Variants in PLEKHA2 observed in about 807,000 individuals in gnomAD.
PLEKHA2 encodes pleckstrin homology domain-containing family A member 2.
A neutral mutation model predicts 53.2 loss-of-function variants in PLEKHA2; 28 were observed. The ratio of observed to expected loss-of-function variants is 0.53; its 90% CI spans 0.39 to 0.72. The LOEUF is 0.72. PLEKHA2 is among the 30% of genes least tolerant of loss of function. PLEKHA2 has a pLI of 0.00. For synonymous variants in PLEKHA2, 193 were observed against 196.4 expected (o/e 0.98, Z 0.14); for missense variants, 426 against 537.9 (o/e 0.79, Z 2.06).
At chr8:38,965,157 T>G (rs1835112795) in intron 10 of PLEKHA2, among the ~76,000 whole-genome samples, 1 of 152,216 alleles carries the variant, frequency 6.6e-6, no homozygotes, top group Non-Finnish European at 1.5e-5. Context: ...GTATTTTGAT[T>G]CTTGTACTTG....
intron 9 of PLEKHA2, among the ~76,000 whole-genome samples, chr8:38,954,458 C>T (rs1440623247): frequency 6.6e-6 from 1 of 152,178 alleles, no homozygotes; most frequent in African/African-American, 2.4e-5. Context: ...CACCTGGGCA[C>T]ATGGGGGAAG....
chr8:38,912,921 G>C (rs1257276271), intron 1 of PLEKHA2, among the ~76,000 whole-genome samples: 1 of 152,100 alleles, frequency 6.6e-6, no homozygotes, highest in Non-Finnish European at 1.5e-5. Context: ...TTTTTTCTAG[G>C]GATAGAAGCA....
intron 9 of PLEKHA2, among the ~76,000 whole-genome samples, 165 bp from the exon 10 acceptor site, chr8:38,957,158 A>G (rs1005688598): frequency 2.0e-5 from 3 of 151,606 alleles, no homozygotes; most frequent in Non-Finnish European, 2.9e-5. Flanking sequence ...GCTAGAGGAA[A>G]CCCCTGGAGT....
At chr8:38,965,308 G>T (rs977629313) in intron 10 of PLEKHA2, among the ~76,000 whole-genome samples, 1 of 152,288 alleles carries the variant, frequency 6.6e-6, no homozygotes, top group South Asian at 2.1e-4. Context: ...ACTTCAAAGC[G>T]CAGTCAGGCA....
chr8:38,934,563 C>T (rs908935724), intron 2 of PLEKHA2, among the ~76,000 whole-genome samples: 16 of 152,104 alleles, frequency 1.1e-4, no homozygotes, highest in African/African-American at 3.9e-4. Context: ...GGTCTGCATT[C>T]GAAGCCCCAG....
chr8:38,930,311 C>T lies in PLEKHA2; in HGVS notation c.142-5683C>T, dbSNP rs558299581. ...TCGCCTCCTGGGTTCAAGCAATTCT[C>T]GTGCCTCAGCCTCCCAAGTAGCTGG... is the stretch of plus-strand genomic sequence containing the variant. On this transcript the variant is annotated intron_variant, in intron 2 of 11. Transcript: ENST00000617275. Among the ~76,000 whole-genome samples the T allele has an allele frequency of 4.6e-5, 7 of 152,288 alleles. No individual in the cohort carries two copies. The South Asian group carries it at 1.0e-3, about 23-fold the overall frequency.
intron 2 of PLEKHA2, among the ~76,000 whole-genome samples, chr8:38,930,680 A>G (rs1316308560): frequency 6.6e-6 from 1 of 152,196 alleles, no homozygotes; most frequent in East Asian, 1.9e-4. Context: ...ATGGCACGGC[A>G]TGACACGGGA....
intron 9 of PLEKHA2, among the ~76,000 whole-genome samples, chr8:38,954,770 G>T (rs1039265409): frequency 1.3e-5 from 2 of 152,146 alleles, no homozygotes; most frequent in Non-Finnish European, 2.9e-5. Flanking sequence ...GCTCACACCT[G>T]TAATCCAATC....
At chr8:38,913,701 C>G (rs1340700532) in intron 1 of PLEKHA2, among the ~76,000 whole-genome samples, 10 of 152,198 alleles carry the variant, frequency 6.6e-5, no homozygotes, top group Non-Finnish European at 1.0e-4. Context: ...ACTCTTGTTC[C>G]TCCGTCATCC....
At chr8:38,934,048 G>A (rs1382481233) in intron 2 of PLEKHA2, among the ~76,000 whole-genome samples, 2 of 151,910 alleles carry the variant, frequency 1.3e-5, no homozygotes, top group Admixed American at 6.6e-5. Context: ...TGCTTCAAGC[G>A]ATGTATGTTA....
Position 38,970,035 on chromosome 8 carries a change from A to G in PLEKHA2, c.*252A>G. The G allele has an allele frequency of 6.9e-6, 4 of 575,614 alleles. No homozygotes were observed. Among genetic ancestry groups the G allele is most frequent in the Non-Finnish European group, 3.0e-6 (1 of 333,526 alleles). 35.7% of individuals were successfully genotyped at this position (575,614 alleles called of 1,614,324 possible). A position where few individuals can be genotyped will look rare whatever the true frequency, so the allele number is the denominator to read the frequency against. ...GTCACTAGGTTAGAACTGTAGGCAT[A>G]CTCAGTGGAGAGGAAGCTACCTATT... On this transcript the variant is annotated 3_prime_UTR_variant, in exon 12 of 12. Coordinates refer to ENST00000617275, the MANE Select transcript of PLEKHA2 (RefSeq NM_021623.2).
intron 4 of PLEKHA2, among the ~76,000 whole-genome samples, chr8:38,944,269 C>T (rs564268259): frequency 4.6e-5 from 7 of 152,134 alleles, no homozygotes; most frequent in South Asian, 2.1e-4. Flanking sequence ...AATCCCAGCA[C>T]GTTGGGAGGC....
chr8:38,940,477 T>C (rs1449109916), intron 3 of PLEKHA2, among the ~76,000 whole-genome samples: 1 of 152,002 alleles, frequency 6.6e-6, no homozygotes, highest in Non-Finnish European at 1.5e-5. Flanking sequence ...CAAACACAGT[T>C]CTGCTGTGGT....
At chr8:38,969,284 T>G in intron 11 of PLEKHA2, 137 bp from the exon 12 acceptor site, 1 of 1,052,082 alleles carries the variant, frequency 9.5e-7, no homozygotes, top group Non-Finnish European at 1.3e-6. Flanking sequence ...TTTGACTGTA[T>G]TTCATTTTTG....
At chr8:38,945,048 G>T (rs1331152678) in intron 4 of PLEKHA2, among the ~76,000 whole-genome samples, 1 of 152,142 alleles carries the variant, frequency 6.6e-6, no homozygotes, top group Non-Finnish European at 1.5e-5. Context: ...ATAGTGACAT[G>T]TTGGGGGATG....
chr8:38,973,164 G>C lies in PLEKHA2; in HGVS notation c.*3381G>C, dbSNP rs758071546. The C allele has an allele frequency of 6.6e-6, 1 of 151,974 alleles. No individual in the cohort carries two copies. The highest frequency in any genetic ancestry group is 1.5e-5 in the Non-Finnish European group (1 of 68,008). 9.4% of individuals were successfully genotyped at this position (151,974 alleles called of 1,614,324 possible). On this transcript the variant is annotated 3_prime_UTR_variant, in exon 12 of 12. Coordinates refer to ENST00000617275, the MANE Select transcript of PLEKHA2 (RefSeq NM_021623.2). ...GCTTACTCAATGTCAGCTGATGGTT[G>C]GTAAAAATAATTTGGCCTTTAGTGT...
At position 38,922,145 on chromosome 8, in the gene PLEKHA2, G is replaced by A. The variant is rs1024008076; in HGVS notation, c.141+4075G>A. 1.3e-5 allele frequency among the ~76,000 whole-genome samples: 2 copies of A among 152,122 alleles called. No individual in the cohort carries two copies. Among genetic ancestry groups the A allele is most frequent in the African/African-American group, 2.4e-5 (1 of 41,434 alleles). On this transcript the variant is annotated intron_variant, in intron 2 of 11. Transcript: ENST00000617275. This position sits in a 1 kb window ranked among gnomAD's most constrained non-coding sequence, Gnocchi z 4.0. ...CTAACCCCGGCAGTCTAACTCTAGTGCCCCTGCCATTATTGCTGATAATGA... is the reference window on the plus strand; with the variant it reads ...CTAACCCCGGCAGTCTAACTCTAGTACCCCTGCCATTATTGCTGATAATGA...
chr8:38,968,273 G>A (rs975320391), intron 10 of PLEKHA2, among the ~76,000 whole-genome samples: 1 of 152,162 alleles, frequency 6.6e-6, no homozygotes, highest in African/African-American at 2.4e-5. Flanking sequence ...AAAACTAGGA[G>A]GCTAGACTGG....
In PLEKHA2 at chr8:38,968,650, C is replaced by T; in HGVS notation, c.896C>T (p.Ala299Val). The stretch of plus-strand genomic sequence containing the variant: ...AAGGAGATTGGCGCAGCTGTCCAGG[C>T]CCTCAAGTGCCACCCCAGAGTAAGT... ...WIKEIGAAVQALKCHPRETSF... is the reference protein window; with the variant it reads ...WIKEIGAAVQVLKCHPRETSF... Residue 299 changes from alanine to valine, a missense_variant, in exon 11 of 12, where the codon GCC (alanine) becomes GTC (valine). By Grantham distance (64) the Ala-to-Val change is moderately conservative. Transcript: ENST00000617275. 1 of 1,613,992 alleles carries T rather than the reference C, an allele frequency of 6.2e-7. No homozygotes were observed.
Sources: gnomAD v4.1 joint callset for allele counts (sites outside exome capture counted in the v4.1 genomes callset) on GRCh38, gnomAD v4.1.1 for gene constraint, Gnocchi (gnomAD v3.1) non-coding constraint, MANE v1.5 for transcripts, NCBI Gene and HGNC (gene_info 2026-07-23, HGNC 2026-07-21) for gene names.